EPM2A: variants seen among roughly 807,000 people sequenced by gnomAD.
EPM2A encodes laforin.
Under a neutral mutation model 26.5 loss-of-function variants are expected in EPM2A, and 21 were observed. The observed-to-expected ratio is 0.79, with a 90% CI of 0.56 to 1.14. EPM2A has a LOEUF of 1.14. EPM2A is among the 50% of genes most tolerant of loss of function. The pLI is 0.00. For synonymous variants in EPM2A, 217 were observed against 177.6 expected, an observed-to-expected ratio of 1.22 and a Z score of -1.76; for missense variants, 458 against 440.8, an observed-to-expected ratio of 1.04 and a Z score of -0.35.
At chr6:145,635,581 C>T in intron 2 of EPM2A, 95 bp from the exon 3 acceptor site, 2 of 1,231,684 alleles carry the variant, frequency 1.6e-6, no homozygotes, top group East Asian at 4.7e-5. Context: ...ATATAACTAA[C>T]CTTTAAGTCT....
In EPM2A at chr6:145,648,415, C is replaced by A. The variant is rs901596341; in HGVS notation, c.477-12929G>T. Among the ~76,000 whole-genome samples, 8 of 152,300 alleles carry A rather than the reference C, an allele frequency of 5.3e-5. No homozygotes were observed. In the South Asian group the frequency reaches 1.4e-3, roughly 28 times the overall value. ...TACAGCCACCCATACAATTCATCTG[C>A]AATAAAGTTTCATTCATGCTTGGAG... is the stretch of plus-strand genomic sequence containing the variant. On this transcript the variant is annotated intron_variant, in intron 2 of 3. Transcript: ENST00000367519.
At chr6:145,573,559 T>C (rs1008016015) in intron 2 of EPM2A, among the ~76,000 whole-genome samples, 2 of 152,246 alleles carry the variant, frequency 1.3e-5, no homozygotes, top group African/African-American at 4.8e-5. Flanking sequence ...TCACCACCCC[T>C]GTGTCTTTCA....
chr6:145,440,380 C>T (rs1459554962), intron 4 of EPM2A, among the ~76,000 whole-genome samples: 1 of 152,172 alleles, frequency 6.6e-6, no homozygotes, highest in Non-Finnish European at 1.5e-5. Flanking sequence ...ATGGAAGCTG[C>T]AATTCAAGTT....
intron 4 of EPM2A, among the ~76,000 whole-genome samples, chr6:145,471,569 C>T (rs1779473330): frequency 6.6e-6 from 1 of 152,242 alleles, no homozygotes; most frequent in African/African-American, 2.4e-5. Flanking sequence ...CCCCACTCCC[C>T]ACTCCAGGCA....
chr6:145,457,283 T>C (rs1779273196), intron 4 of EPM2A, among the ~76,000 whole-genome samples: 1 of 151,662 alleles, frequency 6.6e-6, no homozygotes, highest in Non-Finnish European at 1.5e-5. Context: ...TCACTTGAGG[T>C]TGGGAGCCAG....
At position 145,483,878 on chromosome 6, in the gene EPM2A, G is replaced by T. The variant is rs930616536; in HGVS notation, c.555+18644C>A. Among the ~76,000 whole-genome samples the T allele has an allele frequency of 3.3e-5, 5 of 152,244 alleles. 1 individual carries two copies. The South Asian group carries it at 1.0e-3, about 32-fold the overall frequency. On this transcript the variant is annotated intron_variant, in intron 4 of 4. Coordinates refer to the EPM2A transcript ENST00000638717. ...CAGTAATGACTTCTGCTCACTGGAG[G>T]CTTGCCTCACGAACCCTAGCCCTAC... is the stretch of plus-strand genomic sequence containing the variant.
intron 2 of EPM2A, among the ~76,000 whole-genome samples, chr6:145,537,861 T>C (rs2114790906): frequency 6.6e-6 from 1 of 152,236 alleles, no homozygotes; most frequent in Admixed American, 6.5e-5. Flanking sequence ...TGTTTGGTTT[T>C]CTGTTCCTGT....
Position 145,688,216 on chromosome 6 carries a change from A to G in EPM2A, c.302-1920T>C, listed in dbSNP as rs367809577. 1.1e-4 allele frequency among the ~76,000 whole-genome samples: 17 copies of G among 152,328 alleles called. No individual in the cohort carries two copies. In the South Asian group the frequency reaches 3.5e-3, roughly 32 times the overall value. Reference sequence around the variant, plus strand: ...TACCTCTCTGGCTACAGAGTAAAAAAATAATTCAAGAACAATCAGATAGAA... The same window carrying G: ...TACCTCTCTGGCTACAGAGTAAAAAGATAATTCAAGAACAATCAGATAGAA... On this transcript the variant is annotated intron_variant, in intron 1 of 3. Coordinates refer to ENST00000367519, the MANE Select transcript of EPM2A (RefSeq NM_005670.4).
intron 4 of EPM2A, among the ~76,000 whole-genome samples, chr6:145,425,796 T>C (rs939478419): frequency 3.9e-5 from 6 of 152,182 alleles, no homozygotes; most frequent in African/African-American, 1.4e-4. Flanking sequence ...CACTGTGTGA[T>C]TGCTTCATGT....
At chr6:145,448,885 T>G (rs1779157516) in intron 4 of EPM2A, among the ~76,000 whole-genome samples, 1 of 152,232 alleles carries the variant, frequency 6.6e-6, no homozygotes, top group Non-Finnish European at 1.5e-5. Flanking sequence ...TTGTTTAACT[T>G]ATGAGTTACA....
chr6:145,664,323 C>A (rs959810201), intron 2 of EPM2A, among the ~76,000 whole-genome samples: 1 of 104,842 alleles, frequency 9.5e-6, no homozygotes, highest in African/African-American at 4.0e-5. Flanking sequence ...GGAAGATCTA[C>A]CAAGCAAATG....
downstream of EPM2A, among the ~76,000 whole-genome samples, chr6:145,624,278 C>T (rs911026019): frequency 1.7e-4 from 26 of 152,170 alleles, no homozygotes; most frequent in African/African-American, 6.3e-4. Context: ...TTGAATCTCC[C>T]CCTCTGCTTC....
chr6:145,434,168 T>G (rs1778958600), intron 4 of EPM2A, among the ~76,000 whole-genome samples: 1 of 152,238 alleles, frequency 6.6e-6, no homozygotes, highest in South Asian at 2.1e-4. Context: ...TGTTGAAAAC[T>G]TGGTGTTAAC....
At chr6:145,426,897 G>A (rs1391728148) in intron 4 of EPM2A, among the ~76,000 whole-genome samples, 1 of 152,034 alleles carries the variant, frequency 6.6e-6, no homozygotes, top group East Asian at 1.9e-4. Flanking sequence ...TCTTCAAAAT[G>A]CAACTCAAAT....
rs184383665 is a variant in EPM2A at position 145,653,211 on chromosome 6, T to C, written c.477-17725A>G. Among the ~76,000 whole-genome samples, 28 of 152,300 alleles carry C rather than the reference T, an allele frequency of 1.8e-4. No individual in the cohort carries two copies. In the East Asian group the frequency reaches 5.2e-3, roughly 28 times the overall value. ...GGGACCTGTAATCCCCACGTATTGA[T>C]GGAGGAAGGTGATTGGATAATGGGG... On this transcript the variant is annotated intron_variant, in intron 2 of 3. Transcript: ENST00000367519.
intron 1 of EPM2A, among the ~76,000 whole-genome samples, chr6:145,717,329 A>C (rs9373471): frequency 0.53 from 80,987 of 152,004 alleles, 22,226 homozygotes; most frequent in East Asian, 0.67. Flanking sequence ...AAATCAGTAA[A>C]TGTAATCCAG....
chr6:145,677,519 T>C (rs547494305), intron 2 of EPM2A, among the ~76,000 whole-genome samples: 52 of 152,324 alleles, frequency 3.4e-4, no homozygotes, highest in African/African-American at 1.1e-3. Context: ...GTCATGATTG[T>C]ATATTTAGAA....
At chr6:145,694,264 C>T (rs897228875) in intron 1 of EPM2A, among the ~76,000 whole-genome samples, 1 of 152,000 alleles carries the variant, frequency 6.6e-6, no homozygotes, top group Admixed American at 6.6e-5. Flanking sequence ...CATCTGATCT[C>T]TCTCATGCCC....
At chr6:145,601,683 T>G (rs76723095) in intron 2 of EPM2A, among the ~76,000 whole-genome samples, 4,829 of 152,302 alleles carry the variant, frequency 0.032, 87 homozygotes, top group African/African-American at 0.056. Flanking sequence ...TCATGGAATA[T>G]TAAAGGAAAC....
Sources: allele counts gnomAD v4.1 joint callset (sites outside exome capture counted in the v4.1 genomes callset), GRCh38; gene constraint gnomAD v4.1.1; transcripts MANE v1.5; gene names NCBI Gene and HGNC (gene_info 2026-07-23, HGNC 2026-07-21).